The following ANK3 variants were observed in gnomAD, a reference collection of about 807,000 sequenced individuals.
The protein encoded by ANK3 is ankyrin-3.
ANK3 carries 57 observed loss-of-function variants against 370.9 expected under a neutral mutation model. The ratio of observed to expected loss-of-function variants is 0.15; its 90% CI spans 0.12 to 0.19. The LOEUF (loss-of-function observed/expected upper bound fraction) is 0.19. Ranked by LOEUF, ANK3 falls within the 10% of genes least tolerant of loss-of-function variation. ANK3 has a pLI of 1.00. For missense variants in ANK3, 4,439 were observed against 5,302.1 expected, an observed-to-expected ratio of 0.84 and a Z score of 5.06; for synonymous variants, 1,929 against 1,946.3, an observed-to-expected ratio of 0.99 and a Z score of 0.23.
chr10:60,515,526 T>C (rs975518702), intron 2 of ANK3, among the ~76,000 whole-genome samples: 2 of 152,184 alleles, frequency 1.3e-5, no homozygotes, highest in Non-Finnish European at 2.9e-5. Context: ...ATTAGTTAAC[T>C]TTAATAAAGG....
chr10:60,727,702 A>C (rs1455808041), intron 1 of ANK3, among the ~76,000 whole-genome samples: 2 of 152,166 alleles, frequency 1.3e-5, no homozygotes. Context: ...CAAATAAGCC[A>C]GTTACAGACC....
At chr10:60,356,176 C>T (rs777124097) in intron 1 of ANK3, among the ~76,000 whole-genome samples, 13 of 152,132 alleles carry the variant, frequency 8.5e-5, no homozygotes, top group Non-Finnish European at 1.8e-4. Context: ...CTGGTTTAGC[C>T]ATCCTGCATG....
intron 1 of ANK3, among the ~76,000 whole-genome samples, chr10:60,677,623 G>A (rs909557732): frequency 1.2e-4 from 19 of 152,080 alleles, no homozygotes; most frequent in African/African-American, 4.1e-4. Context: ...CCTTAGATGT[G>A]CAGATGGTTA....
chr10:60,358,912 G>T (rs970212400), intron 1 of ANK3, among the ~76,000 whole-genome samples: 3 of 151,918 alleles, frequency 2.0e-5, no homozygotes, highest in Admixed American at 2.0e-4. Context: ...CTTCTGAGAG[G>T]TCTATCCTAA....
intron 38 of ANK3, among the ~76,000 whole-genome samples, chr10:60,067,643 A>G (rs1275100729): frequency 6.6e-6 from 1 of 152,260 alleles, no homozygotes; most frequent in African/African-American, 2.4e-5. Context: ...GCTATTCAGT[A>G]GAAGGTTAAC....
upstream of ANK3, among the ~76,000 whole-genome samples, chr10:60,393,478 A>G (rs1418129764): frequency 6.6e-6 from 1 of 152,192 alleles, no homozygotes; most frequent in Non-Finnish European, 1.5e-5. Flanking sequence ...AACAATAAAA[A>G]TATCTTTCCA....
At chr10:60,510,227 A>G (rs958669073) in intron 2 of ANK3, among the ~76,000 whole-genome samples, 1 of 152,130 alleles carries the variant, frequency 6.6e-6, no homozygotes, top group Non-Finnish European at 1.5e-5. Flanking sequence ...TTTCATATAT[A>G]TATCTACATA....
intron 2 of ANK3, among the ~76,000 whole-genome samples, chr10:60,511,000 A>T (rs1379182096): frequency 6.6e-6 from 1 of 152,114 alleles, no homozygotes; most frequent in Non-Finnish European, 1.5e-5. Context: ...TGATATATGC[A>T]TCTACAGAGT....
chr10:60,299,265 T>C (rs2043189075), intron 1 of ANK3, among the ~76,000 whole-genome samples: 1 of 152,194 alleles, frequency 6.6e-6, no homozygotes, highest in African/African-American at 2.4e-5. Context: ...AAAAATATTC[T>C]GTCTTTAAGA....
At chr10:60,058,305 CTT>C (rs2079603129) in intron 41 of ANK3, among the ~76,000 whole-genome samples, 2 of 152,190 alleles carry the variant, frequency 1.3e-5, no homozygotes, top group South Asian at 4.1e-4. Context: ...AGATTCTAGA[CTT>C]TCACCTTTCT....
chr10:60,262,157 C>G (rs1380019256), intron 6 of ANK3, among the ~76,000 whole-genome samples, 200 bp from the exon 7 acceptor site: 8 of 152,164 alleles, frequency 5.3e-5, no homozygotes, highest in African/African-American at 1.7e-4. Context: ...GAAGAATAGC[C>G]AGGGAGGAAC....
At chr10:60,540,411 T>C (rs2076820114) in intron 2 of ANK3, among the ~76,000 whole-genome samples, 1 of 151,934 alleles carries the variant, frequency 6.6e-6, no homozygotes, top group Non-Finnish European at 1.5e-5. Context: ...GAAATTCATC[T>C]GGATCTTTCA....
intron 25 of ANK3, among the ~76,000 whole-genome samples, chr10:60,129,341 C>T (rs2093942669): frequency 6.6e-6 from 1 of 152,148 alleles, no homozygotes; most frequent in Admixed American, 6.5e-5. Context: ...TTGGGCACCC[C>T]CAGTTAAGAA....
chr10:60,394,288 A>G (rs2063170520), upstream of ANK3, among the ~76,000 whole-genome samples: 1 of 151,792 alleles, frequency 6.6e-6, no homozygotes, highest in African/African-American at 2.4e-5. Flanking sequence ...AAAATTTTTA[A>G]TTCACAGTCT....
intron 1 of ANK3, among the ~76,000 whole-genome samples, chr10:60,718,488 G>A (rs1259522156): frequency 6.6e-6 from 1 of 151,924 alleles, no homozygotes; most frequent in Non-Finnish European, 1.5e-5. Context: ...TAAAAAGGAT[G>A]AGGACAGGGC....
intron 17 of ANK3, among the ~76,000 whole-genome samples, chr10:60,185,255 T>C (rs3793861): frequency 0.75 from 114,058 of 152,132 alleles, 42,976 homozygotes; most frequent in East Asian, 0.84. Flanking sequence ...TTTTGGTCTA[T>C]AGAATTTGTT....
chr10:60,477,021 A>G (rs1392076081), intron 2 of ANK3, among the ~76,000 whole-genome samples: 1 of 152,186 alleles, frequency 6.6e-6, no homozygotes, highest in African/African-American at 2.4e-5. Flanking sequence ...AAAATCTTCT[A>G]GAACACCCAC....
intron 1 of ANK3, among the ~76,000 whole-genome samples, chr10:60,710,324 ATT>A (rs1262767958): frequency 1.3e-5 from 2 of 152,142 alleles, no homozygotes; most frequent in Non-Finnish European, 2.9e-5. Flanking sequence ...AATACAGGTA[ATT>A]TTTATAGAGT....
At chr10:60,696,547 A>T (rs919374329) in intron 1 of ANK3, among the ~76,000 whole-genome samples, 2 of 150,996 alleles carry the variant, frequency 1.3e-5, no homozygotes, top group Non-Finnish European at 1.5e-5. Context: ...CAAAAAGCTT[A>T]TCCACCATGA....
Sources: allele counts gnomAD v4.1 joint callset (sites outside exome capture counted in the v4.1 genomes callset), GRCh38; gene constraint gnomAD v4.1.1; transcripts MANE v1.5; gene names NCBI Gene and HGNC (gene_info 2026-07-23, HGNC 2026-07-21).